The following SLC6A2 variants were observed in gnomAD, a reference collection of about 807,000 sequenced individuals.
The protein encoded by SLC6A2 is solute carrier family 6 member 2.
In SLC6A2, 26 loss-of-function variants were observed where a neutral mutation model predicts 71.7. The observed-to-expected ratio is 0.36, with a 90% CI of 0.27 to 0.50. The LOEUF is 0.50. Ranked by LOEUF, SLC6A2 falls within the 20% of genes least tolerant of loss-of-function variation. The pLI, the probability that SLC6A2 is intolerant of heterozygous loss-of-function variation, is 0.96. For missense variants in SLC6A2, 581 were observed against 803.9 expected (o/e 0.72, Z 3.35); for synonymous variants, 363 against 337.9 (o/e 1.07, Z -0.82).
intron 2 of SLC6A2, among the ~76,000 whole-genome samples, chr16:55,659,111 C>T (rs919749303): frequency 1.9e-4 from 29 of 152,138 alleles, no homozygotes; most frequent in African/African-American, 7.0e-4. Flanking sequence ...TTTCTGGTTC[C>T]TCTTGGCGTG....
In SLC6A2 at chr16:55,705,355, C is replaced by G. The variant is rs1342967192; in HGVS notation, c.*3009C>G. 3 of 909,990 alleles carry G rather than the reference C, an allele frequency of 3.3e-6. No homozygotes were observed. Among genetic ancestry groups the G allele is most frequent in the Non-Finnish European group, 5.0e-6 (3 of 603,144 alleles). 56.4% of individuals were successfully genotyped at this position (909,990 alleles called of 1,614,324 possible). ...CAGTTCCTGCTATATGATCTGTTTT[C>G]TAGCCTCGCTAATGTGAGACTGAAG... On this transcript the variant is annotated 3_prime_UTR_variant, in exon 15 of 15. Coordinates refer to ENST00000568943, the MANE Select transcript of SLC6A2 (RefSeq NM_001172501.3).
At chr16:55,660,788 A>T (rs1380816184) in intron 2 of SLC6A2, among the ~76,000 whole-genome samples, 1 of 152,182 alleles carries the variant, frequency 6.6e-6, no homozygotes, top group African/African-American at 2.4e-5. Flanking sequence ...CCGGTCTGTT[A>T]TTTAACAGCC....
intron 2 of SLC6A2, among the ~76,000 whole-genome samples, chr16:55,666,668 T>G (rs1440897280): frequency 6.6e-6 from 1 of 152,122 alleles, no homozygotes; most frequent in Non-Finnish European, 1.5e-5. Flanking sequence ...TCATCTTCCC[T>G]CCTTTTCTCA....
intron 4 of SLC6A2, among the ~76,000 whole-genome samples, chr16:55,684,228 G>A (rs1248991333): frequency 6.7e-6 from 1 of 150,200 alleles, no homozygotes; most frequent in African/African-American, 2.5e-5. Flanking sequence ...TGAGCCTGGG[G>A]AGGCTGAGTC....
intron 5 of SLC6A2, among the ~76,000 whole-genome samples, chr16:55,685,610 A>G (rs1344972420): frequency 1.3e-5 from 2 of 152,244 alleles, no homozygotes; most frequent in African/African-American, 4.8e-5. Context: ...TAGAGATACT[A>G]TCAACATGCC....
At chr16:55,682,768 G>C (rs1245101004) in intron 4 of SLC6A2, among the ~76,000 whole-genome samples, 3 of 152,238 alleles carry the variant, frequency 2.0e-5, no homozygotes, top group Non-Finnish European at 4.4e-5. Flanking sequence ...GGGCTTTGAA[G>C]GGTGTTGGGC....
Position 55,693,157 on chromosome 16 carries a change from C to T in SLC6A2, c.919-853C>T, listed in dbSNP as rs1445871827. ...ATCCCAGCACTTTGGGAGGCTGAGGCGGGCGGATCACTTGAGGTCAGGAGT... is the reference window on the plus strand; with the variant it reads ...ATCCCAGCACTTTGGGAGGCTGAGGTGGGCGGATCACTTGAGGTCAGGAGT... On this transcript the variant is annotated intron_variant, in intron 6 of 14. Coordinates refer to ENST00000568943, the MANE Select transcript of SLC6A2 (RefSeq NM_001172501.3). Among the ~76,000 whole-genome samples, 90 of 152,134 alleles carry T rather than the reference C, an allele frequency of 5.9e-4. 1 individual carries two copies. The highest frequency in any genetic ancestry group is 1.0e-4 in the Non-Finnish European group (7 of 68,018).
chr16:55,687,579 C>A (rs1965495120), intron 5 of SLC6A2, among the ~76,000 whole-genome samples: 1 of 152,130 alleles, frequency 6.6e-6, no homozygotes, highest in South Asian at 2.1e-4. Flanking sequence ...TGTGCCTTTC[C>A]TGGGTACCAG....
intron 2 of SLC6A2, 36 bp downstream of exon 2, chr16:55,657,004 G>A (rs1567427404): frequency 1.2e-6 from 2 of 1,607,272 alleles, no homozygotes; most frequent in Non-Finnish European, 1.7e-6. Context: ...TTGAATCTGG[G>A]AGGTCCACTG....
chr16:55,697,583 C>T (rs1340928779), intron 9 of SLC6A2, among the ~76,000 whole-genome samples: 1 of 152,188 alleles, frequency 6.6e-6, no homozygotes, highest in Non-Finnish European at 1.5e-5. Flanking sequence ...TTACTGCTTT[C>T]ACTCCACTAT....
intron 3 of SLC6A2, among the ~76,000 whole-genome samples, chr16:55,670,558 G>C (rs765858955): frequency 6.6e-6 from 1 of 152,084 alleles, no homozygotes; most frequent in African/African-American, 2.4e-5. Flanking sequence ...GGAATCTATC[G>C]CTCTTCTTGT....
Position 55,669,601 on chromosome 16 carries a change from T to C in SLC6A2, c.311T>C (p.Ile104Thr). ...ATCCCGTACACACTGTTCCTTATCA[T>C]CGCGGGGATGCCCCTGTTCTACATG... is the stretch of plus-strand genomic sequence containing the variant. Reference protein sequence around the residue: ...FLIPYTLFLIIAGMPLFYMEL... With the variant: ...FLIPYTLFLITAGMPLFYMEL... Residue 104 changes from isoleucine to threonine, a missense_variant, in exon 3 of 15, where the codon ATC becomes ACC. Ile to Thr is a moderately conservative substitution (Grantham distance 89, BLOSUM62 -1). Transcript: ENST00000568943. The C allele has an allele frequency of 1.2e-6, 2 of 1,614,022 alleles. No individual in the cohort carries two copies. Among genetic ancestry groups the C allele is most frequent in the Non-Finnish European group, 1.7e-6 (2 of 1,179,996 alleles).
In SLC6A2 at chr16:55,703,944, T is replaced by C. The variant is rs571786774; in HGVS notation, c.*1598T>C. 6.6e-6 allele frequency among the ~76,000 whole-genome samples: 1 copy of C among 152,140 alleles called. No homozygotes were observed. The highest frequency in any genetic ancestry group is 6.5e-5 in the Admixed American group (1 of 15,294). ...CGGGGTCCTCAGGTCATTCTATAGA[T>C]AAAAGAGGGAAAATCAGGAGACTTT... On this transcript the variant is annotated 3_prime_UTR_variant, in exon 15 of 15. Transcript: ENST00000568943.
chr16:55,664,135 A>C (rs990696564), intron 2 of SLC6A2, among the ~76,000 whole-genome samples: 1 of 152,092 alleles, frequency 6.6e-6, no homozygotes, highest in Non-Finnish European at 1.5e-5. Flanking sequence ...CTGAGTAGGA[A>C]ATGTCTGAGG....
At chr16:55,658,946 A>G (rs1422205736) in intron 2 of SLC6A2, among the ~76,000 whole-genome samples, 1 of 152,188 alleles carries the variant, frequency 6.6e-6, no homozygotes, top group Middle Eastern at 3.2e-3. Flanking sequence ...GTTTGGGCCC[A>G]GGAAGGGAGA....
chr16:55,657,116 G>A (rs200764758), intron 2 of SLC6A2, 148 bp downstream of exon 2: 43 of 709,462 alleles, frequency 6.1e-5, no homozygotes, highest in South Asian at 5.9e-4. Flanking sequence ...GGGCTAACGG[G>A]AAAAAAAAAG....
chr16:55,681,555 C>T (rs190453957), intron 4 of SLC6A2, among the ~76,000 whole-genome samples: 4 of 152,368 alleles, frequency 2.6e-5, no homozygotes, highest in Admixed American at 1.3e-4. Context: ...AAATAACATA[C>T]ATCTATTTTG....
At chr16:55,695,129 G>A in intron 7 of SLC6A2, 149 bp from the exon 8 acceptor site, 2 of 846,108 alleles carry the variant, frequency 2.4e-6, no homozygotes, top group Non-Finnish European at 4.0e-6. Context: ...TGATGGTGAG[G>A]CCCTGTATCC....
chr16:55,694,495 G>T (rs531087600), intron 7 of SLC6A2, among the ~76,000 whole-genome samples: 2 of 152,284 alleles, frequency 1.3e-5, no homozygotes, highest in South Asian at 4.1e-4. Flanking sequence ...GAGACTGCAG[G>T]GGAGACTGAG....
Sources: allele counts gnomAD v4.1 joint callset (sites outside exome capture counted in the v4.1 genomes callset), GRCh38; gene constraint gnomAD v4.1.1; transcripts MANE v1.5; gene names NCBI Gene and HGNC (gene_info 2026-07-23, HGNC 2026-07-21).